The following WDR72 variants were observed in gnomAD, a reference collection of about 807,000 sequenced individuals.
The protein encoded by WDR72 is WD repeat-containing protein 72.
Under a neutral mutation model 124.2 loss-of-function variants are expected in WDR72, and 120 were observed. The ratio of observed to expected loss-of-function variants is 0.97; its 90% CI spans 0.83 to 1.12. WDR72 has a LOEUF of 1.12. Ranked by LOEUF, WDR72 falls within the 50% of genes most tolerant of loss-of-function variation. The probability of loss-of-function intolerance (pLI) is 0.00; values close to 1 mark genes in which losing one functional copy is unlikely to be tolerated. For synonymous variants in WDR72, 452 were observed against 441.7 expected, an observed-to-expected ratio of 1.02 and a Z score of -0.29; for missense variants, 1,387 against 1,278.8, an observed-to-expected ratio of 1.08 and a Z score of -1.29.
At chr15:53,578,729 A>AACT (rs1308879343) in intron 18 of WDR72, among the ~76,000 whole-genome samples, 2 of 151,058 alleles carry the variant, frequency 1.3e-5, no homozygotes, top group Non-Finnish European at 2.9e-5. Flanking sequence ...GCTTAAATAA[A>AACT]TAAAACTTAA....
intron 13 of WDR72, among the ~76,000 whole-genome samples, chr15:53,685,446 G>T (rs2016584472): frequency 7.4e-6 from 1 of 135,938 alleles, no homozygotes; most frequent in African/African-American, 2.8e-5. Context: ...CGATCAACTG[G>T]AAGAAAGGGT....
chr15:53,553,402 T>C (rs1030613108), intron 18 of WDR72, among the ~76,000 whole-genome samples: 1 of 152,180 alleles, frequency 6.6e-6, no homozygotes, highest in African/African-American at 2.4e-5. Context: ...TGCAGTGTTT[T>C]CGTGTTATGT....
chr15:53,653,785 C>G (rs1052799999), intron 14 of WDR72, among the ~76,000 whole-genome samples: 1 of 152,066 alleles, frequency 6.6e-6, no homozygotes, highest in Admixed American at 6.5e-5. Flanking sequence ...GTAAACCTTA[C>G]GGGACATCCC....
intron 13 of WDR72, among the ~76,000 whole-genome samples, chr15:53,686,365 A>C (rs6493640): frequency 0.54 from 81,898 of 150,482 alleles, 22,787 homozygotes; most frequent in East Asian, 0.75. Context: ...GATGGAGGAA[A>C]ATCTACCAAG....
At chr15:53,748,175 A>G (rs975351758) in intron 1 of WDR72, among the ~76,000 whole-genome samples, 2 of 152,136 alleles carry the variant, frequency 1.3e-5, no homozygotes, top group Non-Finnish European at 2.9e-5. Flanking sequence ...TCATCTTTGG[A>G]TTAATTTTAA....
chr15:53,706,414 C>A (rs1446802577), intron 9 of WDR72, among the ~76,000 whole-genome samples: 1 of 117,634 alleles, frequency 8.5e-6, no homozygotes, highest in Non-Finnish European at 1.8e-5. Flanking sequence ...GTACACATTA[C>A]TGCAAGGGGC....
chr15:53,619,395 A>T (rs1190339321), intron 14 of WDR72, among the ~76,000 whole-genome samples: 1 of 151,828 alleles, frequency 6.6e-6, no homozygotes, highest in East Asian at 1.9e-4. Context: ...GGTACTACCA[A>T]ATAGGGCCCT....
chr15:53,536,258 C>T (rs1343039027), intron 18 of WDR72, among the ~76,000 whole-genome samples: 4 of 152,092 alleles, frequency 2.6e-5, no homozygotes, highest in East Asian at 1.9e-4. Flanking sequence ...ATCCCAGTAG[C>T]GTGTGCAGCT....
chr15:53,589,322 T>C (rs1356491316), intron 18 of WDR72, among the ~76,000 whole-genome samples: 1 of 151,634 alleles, frequency 6.6e-6, no homozygotes, highest in Non-Finnish European at 1.5e-5. Context: ...ATTCAAGACT[T>C]TGTCTGGATG....
At chr15:53,744,096 G>A (rs1343599531) in intron 1 of WDR72, among the ~76,000 whole-genome samples, 1 of 152,108 alleles carries the variant, frequency 6.6e-6, no homozygotes, top group Admixed American at 6.5e-5. Context: ...TTTAGTAACG[G>A]AGTTCCCTGT....
At chr15:53,605,609 C>G (rs1005543033) in intron 17 of WDR72, among the ~76,000 whole-genome samples, 1 of 152,184 alleles carries the variant, frequency 6.6e-6, no homozygotes, top group Non-Finnish European at 1.5e-5. Context: ...AATCCCAACA[C>G]TTTGGGAGGC....
intron 18 of WDR72, among the ~76,000 whole-genome samples, chr15:53,583,010 T>A (rs1295279436): frequency 1.3e-5 from 2 of 151,956 alleles, no homozygotes; most frequent in African/African-American, 2.4e-5. Flanking sequence ...TATCATTTTT[T>A]ATAAATAAAT....
At position 53,715,370 on chromosome 15, in the gene WDR72, A is replaced by G. The variant is rs2017674060; in HGVS notation, c.340-3T>C. ...ATCCGGAATGAGCAGTGGTAATACT[A>G]CGTACATGGAAAGCAAAGCAAACAT... is the stretch of plus-strand genomic sequence containing the variant. On this transcript the variant is annotated splice_polypyrimidine_tract_variant and splice_region_variant and intron_variant, in intron 4 of 19. Transcript: ENST00000360509. 1 of 1,614,084 alleles carries G rather than the reference A, an allele frequency of 6.2e-7. No homozygotes were observed. The highest frequency in any genetic ancestry group is 2.2e-5 in the East Asian group (1 of 44,864).
At chr15:53,611,916 T>A (rs1440065405) in intron 16 of WDR72, among the ~76,000 whole-genome samples, 1 of 152,140 alleles carries the variant, frequency 6.6e-6, no homozygotes, top group Non-Finnish European at 1.5e-5. Flanking sequence ...AACAGTCGTG[T>A]GAGGGCCACT....
At chr15:53,642,473 T>C (rs74015844) in intron 14 of WDR72, among the ~76,000 whole-genome samples, 2,023 of 152,056 alleles carry the variant, frequency 0.013, 49 homozygotes, top group African/African-American at 0.047. Context: ...ACTTCATATC[T>C]AGAAAGGGGC....
At chr15:53,614,652 A>C (rs2013683295) in intron 15 of WDR72, among the ~76,000 whole-genome samples, 2 of 152,040 alleles carry the variant, frequency 1.3e-5, no homozygotes, top group Non-Finnish European at 2.9e-5. Context: ...TAGAATGAAA[A>C]CCTCTGGCAA....
At chr15:53,541,160 C>A (rs1422582010) in intron 18 of WDR72, 1 of 153,312 alleles carries the variant, frequency 6.5e-6, no homozygotes, top group African/African-American at 2.4e-5. Context: ...GGTGGCCTGC[C>A]TGCCTCTGTA....
chr15:53,596,608 T>C (rs528759561), intron 18 of WDR72, among the ~76,000 whole-genome samples: 3 of 152,302 alleles, frequency 2.0e-5, no homozygotes, highest in South Asian at 2.1e-4. Flanking sequence ...TATTAAGCTA[T>C]TGCTGTTACT....
rs759602719 is a variant in WDR72 at position 53,613,671 on chromosome 15, CG to C, written c.2866del (p.Arg956GlufsTer17). Reference protein sequence around the residue: ...LNMSSFYSCLRNGKNESHVPE... With the variant: ...LNMSSFYSCLXNGKNESHVPE... Reference sequence around the variant, plus strand: ...TGTGCCAGTAACTCTCTTACCATTTCGTAAGCAACTGTAGAAGCTTGACATA... The same window carrying C: ...TGTGCCAGTAACTCTCTTACCATTTCTAAGCAACTGTAGAAGCTTGACATA... On this transcript the variant is annotated frameshift_variant, in exon 16 of 20. Coordinates refer to ENST00000360509, the MANE Select transcript of WDR72 (RefSeq NM_182758.4). LOFTEE classifies it high-confidence loss of function. 9 of 1,607,088 alleles carry C rather than the reference CG, an allele frequency of 5.6e-6. No individual in the cohort carries two copies.
Sources: allele counts gnomAD v4.1 joint callset (sites outside exome capture counted in the v4.1 genomes callset), GRCh38; gene constraint gnomAD v4.1.1; transcripts MANE v1.5; gene names NCBI Gene and HGNC (gene_info 2026-07-23, HGNC 2026-07-21).